PRKG1: variants seen among roughly 807,000 people sequenced by gnomAD.
PRKG1 encodes the protein protein kinase cGMP-dependent 1, also known as cGMP-dependent protein kinase 1.
Under a neutral mutation model 88.1 loss-of-function variants are expected in PRKG1, and 35 were observed. The ratio of observed to expected loss-of-function variants is 0.40; its 90% confidence interval spans 0.30 to 0.53. PRKG1 has a LOEUF of 0.53. Among genes scored for constraint, PRKG1 ranks in the 20% least tolerant of loss-of-function variants. The probability of loss-of-function intolerance (pLI) is 0.59; values close to 1 mark genes in which losing one functional copy is unlikely to be tolerated. For missense variants in PRKG1, 540 were observed against 839.8 expected (o/e 0.64, Z 4.41); for synonymous variants, 303 against 292.5 (o/e 1.04, Z -0.37).
At chr10:51,939,688 G>A (rs183993249) in intron 5 of PRKG1, among the ~76,000 whole-genome samples, 58 of 151,772 alleles carry the variant, frequency 3.8e-4, no homozygotes, top group Non-Finnish European at 6.6e-4. Flanking sequence ...GTACTTTAGG[G>A]AGTAGAGTCC....
At chr10:51,018,065 A>G (rs898453275) in intron 1 of PRKG1, among the ~76,000 whole-genome samples, 3 of 152,094 alleles carry the variant, frequency 2.0e-5, no homozygotes, top group Non-Finnish European at 2.9e-5. Context: ...CAAGCAATCT[A>G]CGCATCTTGG....
intron 5 of PRKG1, among the ~76,000 whole-genome samples, chr10:51,930,441 C>T (rs1842664789): frequency 1.3e-5 from 2 of 149,670 alleles, no homozygotes; most frequent in Middle Eastern, 3.5e-3. Context: ...AAAAGAATGC[C>T]TTCTATTCTG....
intron 2 of PRKG1, among the ~76,000 whole-genome samples, chr10:51,184,287 TATTTTTTG>T (rs1024668378): frequency 3.3e-5 from 5 of 152,228 alleles, no homozygotes; most frequent in African/African-American, 1.2e-4. Context: ...AGGAAGCTTT[TATTTTTTG>T]ATGGAGCAAT....
chr10:51,188,050 G>A (rs889792919), intron 2 of PRKG1, among the ~76,000 whole-genome samples: 2 of 151,970 alleles, frequency 1.3e-5, no homozygotes, highest in Non-Finnish European at 2.9e-5. Flanking sequence ...AATGTGAATG[G>A]AAAATTAGGA....
intron 5 of PRKG1, among the ~76,000 whole-genome samples, chr10:51,941,577 T>C (rs1209983360): frequency 6.6e-6 from 1 of 151,746 alleles, no homozygotes; most frequent in Admixed American, 6.6e-5. Flanking sequence ...ACATTAGGTA[T>C]ATCTCCTAAA....
chr10:51,400,423 T>A (rs1837705664), intron 2 of PRKG1, among the ~76,000 whole-genome samples: 1 of 152,074 alleles, frequency 6.6e-6, no homozygotes, highest in African/African-American at 2.4e-5. Flanking sequence ...ACCACACAGA[T>A]AATGGAGAGA....
At chr10:52,188,359 A>AT (rs1000249328) in intron 9 of PRKG1, among the ~76,000 whole-genome samples, 7 of 144,024 alleles carry the variant, frequency 4.9e-5, no homozygotes, top group Non-Finnish European at 1.1e-4. Context: ...TTTTTGTTTG[A>AT]TTTTTTTGAG....
intron 9 of PRKG1, among the ~76,000 whole-genome samples, chr10:52,233,192 AAAAAAG>A (rs1481946065): frequency 6.6e-6 from 1 of 151,960 alleles, no homozygotes; most frequent in Non-Finnish European, 1.5e-5. Context: ...GCCAAAAAAA[AAAAAAG>A]AGAGAGAGAG....
At chr10:51,595,957 T>C (rs970542006) in intron 3 of PRKG1, among the ~76,000 whole-genome samples, 1 of 151,928 alleles carries the variant, frequency 6.6e-6, no homozygotes, top group Non-Finnish European at 1.5e-5. Context: ...CAGACTCCTG[T>C]GTAGCTGGGC....
chr10:52,068,195 T>A (rs1589575874), intron 7 of PRKG1, among the ~76,000 whole-genome samples: 3 of 55,732 alleles, frequency 5.4e-5, no homozygotes, highest in East Asian at 4.5e-4. Flanking sequence ...AGAGCGAAAC[T>A]CCGTCTCAAA....
chr10:51,406,384 C>T (rs1430823879), intron 2 of PRKG1, among the ~76,000 whole-genome samples: 1 of 152,152 alleles, frequency 6.6e-6, no homozygotes, highest in Non-Finnish European at 1.5e-5. Flanking sequence ...GCTGTACTAT[C>T]ATTTTACTAG....
chr10:52,140,962 C>T (rs1335666404), intron 8 of PRKG1, among the ~76,000 whole-genome samples: 2 of 152,150 alleles, frequency 1.3e-5, no homozygotes, highest in East Asian at 3.8e-4. Flanking sequence ...TAAAATATTT[C>T]ACAGCCTCAG....
intron 1 of PRKG1, among the ~76,000 whole-genome samples, chr10:51,016,720 G>A (rs370670421): frequency 6.8e-4 from 41 of 60,686 alleles, no homozygotes; most frequent in Non-Finnish European, 1.1e-3. Flanking sequence ...CCAGGCTGGA[G>A]TGCAGTGGCG....
At chr10:51,388,848 G>T (rs567624828) in intron 2 of PRKG1, among the ~76,000 whole-genome samples, 1 of 152,146 alleles carries the variant, frequency 6.6e-6, no homozygotes, top group African/African-American at 2.4e-5. Flanking sequence ...TCTCACCAGC[G>T]TTCTAGTTTT....
intron 1 of PRKG1, among the ~76,000 whole-genome samples, chr10:51,002,083 G>A (rs1004632001): frequency 1.3e-5 from 2 of 151,854 alleles, no homozygotes; most frequent in Non-Finnish European, 2.9e-5. Flanking sequence ...TTTGAACATT[G>A]ACTCTGGGAA....
At chr10:51,720,085 G>A (rs1589230386) in intron 3 of PRKG1, among the ~76,000 whole-genome samples, 2 of 152,044 alleles carry the variant, frequency 1.3e-5, no homozygotes, top group East Asian at 3.9e-4. Context: ...TAGGAGAGAG[G>A]GGCGGGAAAA....
chr10:51,869,778 A>T (rs1216580411), intron 4 of PRKG1, among the ~76,000 whole-genome samples: 1 of 152,200 alleles, frequency 6.6e-6, no homozygotes, highest in Non-Finnish European at 1.5e-5. Context: ...AAATCACATT[A>T]CAATTGAATT....
chr10:52,228,298 A>T (rs80186302), intron 9 of PRKG1, among the ~76,000 whole-genome samples: 1 of 151,784 alleles, frequency 6.6e-6, no homozygotes, highest in Admixed American at 6.6e-5. Flanking sequence ...AAAAAAAAAA[A>T]GAAATGAAGA....
intron 4 of PRKG1, among the ~76,000 whole-genome samples, chr10:51,810,486 C>T (rs1839425869): frequency 6.6e-6 from 1 of 152,006 alleles, no homozygotes; most frequent in Admixed American, 6.6e-5. Context: ...TTTGATGATC[C>T]CTCCTTATTC....
Sources: allele counts gnomAD v4.1 joint callset (sites outside exome capture counted in the v4.1 genomes callset), GRCh38; gene constraint gnomAD v4.1.1; transcripts MANE v1.5; gene names NCBI Gene and HGNC (gene_info 2026-07-23, HGNC 2026-07-21).